Variants in DNAJB4 observed in about 807,000 individuals in gnomAD.
DNAJB4 encodes dnaJ homolog subfamily B member 4.
DNAJB4 carries 10 observed loss-of-function variants against 26.6 expected under a neutral mutation model. The ratio of observed to expected loss-of-function variants is 0.38; its 90% CI spans 0.23 to 0.64. The LOEUF (loss-of-function observed/expected upper bound fraction) is 0.64. DNAJB4 is among the 30% of genes least tolerant of loss of function. DNAJB4 has a pLI of 0.58. For synonymous variants in DNAJB4, 136 were observed against 134.8 expected (o/e 1.01, Z -0.06); for missense variants, 328 against 408.2 (o/e 0.80, Z 1.69).
chr1:77,990,946 G>T (rs957640162), intron 1 of DNAJB4, among the ~76,000 whole-genome samples: 1 of 152,198 alleles, frequency 6.6e-6, no homozygotes, highest in Non-Finnish European at 1.5e-5. Context: ...GGACCCCGCT[G>T]GTTACAATCC....
chr1:78,000,435 C>A (rs989169239), upstream of DNAJB4, among the ~76,000 whole-genome samples: 1 of 152,136 alleles, frequency 6.6e-6, no homozygotes, highest in African/African-American at 2.4e-5. Flanking sequence ...AGTCCAAGGT[C>A]TTACAGCTGT....
At chr1:78,005,817 C>G (rs903278370) in intron 1 of DNAJB4, among the ~76,000 whole-genome samples, 10 of 152,192 alleles carry the variant, frequency 6.6e-5, no homozygotes, top group African/African-American at 2.4e-4. Context: ...TTTCTTATAG[C>G]AAGGCTAGTT....
intron 1 of DNAJB4, among the ~76,000 whole-genome samples, chr1:77,982,974 CAA>C (rs1173532173): frequency 6.6e-6 from 1 of 152,112 alleles, no homozygotes; most frequent in Non-Finnish European, 1.5e-5. Context: ...GAAAAAGACA[CAA>C]AGACAAAGTA....
chr1:78,000,788 C>T (rs1345923332), upstream of DNAJB4, among the ~76,000 whole-genome samples: 2 of 152,020 alleles, frequency 1.3e-5, no homozygotes, highest in Non-Finnish European at 2.9e-5. Context: ...TCAAGACCAG[C>T]CTGGCCAAGG....
intron 1 of DNAJB4, among the ~76,000 whole-genome samples, chr1:77,990,064 C>T (rs1471284728): frequency 6.6e-6 from 1 of 152,152 alleles, no homozygotes; most frequent in African/African-American, 2.4e-5. Flanking sequence ...TGAGCCATCC[C>T]CAAGAGACTG....
upstream of DNAJB4, chr1:77,979,631 T>A (rs552636373): frequency 6.5e-6 from 1 of 152,686 alleles, no homozygotes; most frequent in South Asian, 2.0e-4. Flanking sequence ...TAGTAAAGTG[T>A]CCCTGTATTT....
intron 2 of DNAJB4, among the ~76,000 whole-genome samples, chr1:78,015,358 A>C (rs1044866770): frequency 8.6e-5 from 13 of 152,002 alleles, no homozygotes; most frequent in African/African-American, 3.1e-4. Flanking sequence ...CTGCATCTTG[A>C]ATATATTAAT....
intron 1 of DNAJB4, among the ~76,000 whole-genome samples, chr1:78,009,515 A>G (rs6424648): frequency 0.81 from 123,547 of 152,098 alleles, 50,397 homozygotes; most frequent in Middle Eastern, 0.87. Flanking sequence ...AGTGATGACG[A>G]TGTCTAGAAA....
chr1:78,013,717 T>C, intron 2 of DNAJB4, 98 bp downstream of exon 2: 9 of 943,936 alleles, frequency 9.5e-6, no homozygotes, highest in Non-Finnish European at 1.1e-5. Flanking sequence ...TAATGCCTAT[T>C]ATACGTTAAA....
chr1:78,002,990 T>G (rs1660228457), upstream of DNAJB4, among the ~76,000 whole-genome samples: 1 of 152,104 alleles, frequency 6.6e-6, no homozygotes, highest in African/African-American at 2.4e-5. Flanking sequence ...TTGATAATAT[T>G]CCTAGCTCTC....
At chr1:78,003,433 C>T (rs1477844371), upstream of DNAJB4, among the ~76,000 whole-genome samples, 1 of 152,048 alleles carries the variant, frequency 6.6e-6, no homozygotes. Context: ...AGTAGAAAAT[C>T]GTAGCTGTCA....
chr1:78,012,763 T>G (rs1339029842), intron 1 of DNAJB4, among the ~76,000 whole-genome samples: 1 of 152,060 alleles, frequency 6.6e-6, no homozygotes, highest in East Asian at 1.9e-4. Flanking sequence ...GAGCCAAGAT[T>G]GCGCCATTGC....
At chr1:78,006,687 A>G (rs1000528499) in intron 1 of DNAJB4, among the ~76,000 whole-genome samples, 4 of 152,162 alleles carry the variant, frequency 2.6e-5, no homozygotes, top group Non-Finnish European at 5.9e-5. Flanking sequence ...TTACAAAGTA[A>G]ATATTGAAAA....
chr1:78,001,743 G>A (rs1571437066), upstream of DNAJB4, among the ~76,000 whole-genome samples: 5 of 152,240 alleles, frequency 3.3e-5, 1 homozygote, highest in East Asian at 5.8e-4. Context: ...GCCCAGGCTG[G>A]TCTTGAACTC....
intron 1 of DNAJB4, among the ~76,000 whole-genome samples, chr1:77,989,517 C>G (rs1659883496): frequency 6.6e-6 from 1 of 152,170 alleles, no homozygotes; most frequent in Non-Finnish European, 1.5e-5. Context: ...CTATCTACCT[C>G]ATAGAATTCT....
intron 1 of DNAJB4, among the ~76,000 whole-genome samples, chr1:78,010,128 TC>T (rs1183840997): frequency 6.6e-6 from 1 of 152,210 alleles, no homozygotes. Context: ...GAAGAGGTTT[TC>T]CAGAAAGCCA....
Position 78,016,070 on chromosome 1 carries a change from G to A in DNAJB4, c.837G>A (p.Met279Ile). The A allele has an allele frequency of 6.2e-7, 1 of 1,614,066 alleles. No individual in the cohort carries two copies. The highest frequency in any genetic ancestry group is 8.5e-7 in the Non-Finnish European group (1 of 1,180,012). ...CACTGGATGGAAGAAACATACCTAT[G>A]TCAGTAAATGATATTGTGAAACCCG... ...VPTLDGRNIP[M>I]SVNDIVKPGM... Residue 279 changes from methionine (M) to isoleucine (I), a missense_variant, in exon 3 of 3, where the codon ATG (methionine) becomes ATA (isoleucine). Physicochemically the swap from Met to Ile is conservative, Grantham distance 10 (BLOSUM62 1). Transcript: ENST00000370763.
chr1:77,992,280 G>T lies in DNAJB4; in HGVS notation c.-32+11958G>T, dbSNP rs1477276250. ...TACAAAAAATTAGCCGGGCGTAGTG[G>T]CGGGCACCTGTAGTCCCAGCTACTT... On this transcript the variant is annotated intron_variant, in intron 1 of 2. Coordinates refer to the DNAJB4 transcript ENST00000426517. 2.0e-5 allele frequency among the ~76,000 whole-genome samples: 3 copies of T among 150,538 alleles called. No homozygotes were observed. The South Asian group carries it at 6.3e-4, about 32-fold the overall frequency.
At chr1:77,979,185 G>A, upstream of DNAJB4, 1 of 616,708 alleles carries the variant, frequency 1.6e-6, no homozygotes, top group Non-Finnish European at 2.8e-6. Context: ...GCGCTGGTGT[G>A]GGTTAGGGCT....
Sources: allele counts gnomAD v4.1 joint callset (sites outside exome capture counted in the v4.1 genomes callset), GRCh38; gene constraint gnomAD v4.1.1; transcripts MANE v1.5; gene names NCBI Gene and HGNC (gene_info 2026-07-23, HGNC 2026-07-21).